Variants in GRXCR1 observed in about 807,000 individuals in gnomAD.
GRXCR1 encodes glutaredoxin and cysteine rich domain containing 1, also known as glutaredoxin domain-containing cysteine-rich protein 1.
In GRXCR1, 27 loss-of-function variants were observed where a neutral mutation model predicts 27.3. The ratio of observed to expected loss-of-function variants is 0.99; its 90% CI spans 0.73 to 1.37. The LOEUF (loss-of-function observed/expected upper bound fraction) is 1.37. Among genes scored for constraint, GRXCR1 ranks in the 40% most tolerant of loss-of-function variants. GRXCR1 has a pLI of 0.00. For synonymous variants in GRXCR1, 122 were observed against 131.1 expected (o/e 0.93, Z 0.47); for missense variants, 379 against 354.4 (o/e 1.07, Z -0.56).
intron 2 of GRXCR1, among the ~76,000 whole-genome samples, chr4:42,983,398 C>T (rs573913771): frequency 4.0e-5 from 6 of 150,126 alleles, no homozygotes. Flanking sequence ...GGGCTCTGTT[C>T]TGTTCCATTG....
intron 1 of GRXCR1, among the ~76,000 whole-genome samples, chr4:42,903,495 G>C (rs1241516557): frequency 6.8e-6 from 1 of 146,140 alleles, no homozygotes; most frequent in African/African-American, 2.5e-5. Flanking sequence ...GTATTTTTTA[G>C]TAGAAATGGG....
chr4:42,962,827 C>T, intron 1 of GRXCR1, 65 bp from the exon 2 acceptor site: 2 of 1,593,046 alleles, frequency 1.3e-6, no homozygotes, highest in Non-Finnish European at 1.7e-6. Context: ...TTTTAATTGT[C>T]TTAAAATCAT....
intron 1 of GRXCR1, among the ~76,000 whole-genome samples, chr4:42,938,132 A>G (rs1560656969): frequency 6.6e-6 from 1 of 152,050 alleles, no homozygotes; most frequent in East Asian, 1.9e-4. Context: ...CCATGAGTAC[A>G]ATTGTTTTAA....
intron 2 of GRXCR1, among the ~76,000 whole-genome samples, chr4:43,001,015 C>T (rs1712338778): frequency 6.6e-6 from 1 of 151,984 alleles, no homozygotes; most frequent in South Asian, 2.1e-4. Flanking sequence ...CAACCTCTAC[C>T]TCCCGGGTTC....
At chr4:42,990,062 C>CT (rs1359617449) in intron 2 of GRXCR1, among the ~76,000 whole-genome samples, 1 of 149,666 alleles carries the variant, frequency 6.7e-6, no homozygotes, top group Non-Finnish European at 1.5e-5. Flanking sequence ...ATTTTTCTGC[C>CT]TTTTTTGTTT....
chr4:43,021,438 G>A (rs539204578), intron 3 of GRXCR1, among the ~76,000 whole-genome samples: 5 of 152,154 alleles, frequency 3.3e-5, no homozygotes, highest in Admixed American at 2.0e-4. Flanking sequence ...TTTGACTCAT[G>A]TCCCAAATGA....
chr4:43,002,060 T>G (rs914990087), intron 2 of GRXCR1, among the ~76,000 whole-genome samples: 3 of 152,132 alleles, frequency 2.0e-5, no homozygotes, highest in African/African-American at 7.2e-5. Flanking sequence ...CATAGGGCGG[T>G]TTTTCTCCTA....
chr4:42,976,533 A>G (rs1748526055), intron 2 of GRXCR1, among the ~76,000 whole-genome samples: 1 of 152,010 alleles, frequency 6.6e-6, no homozygotes, highest in African/African-American at 2.4e-5. Context: ...TGACATGATC[A>G]CACCCACGAA....
intron 1 of GRXCR1, among the ~76,000 whole-genome samples, chr4:42,922,172 C>A (rs1355968840): frequency 5.3e-5 from 8 of 152,116 alleles, no homozygotes; most frequent in Non-Finnish European, 1.2e-4. Context: ...ATGATTTGCA[C>A]AGTCAAATTG....
chr4:42,952,094 A>T (rs71610036), intron 1 of GRXCR1, among the ~76,000 whole-genome samples: 7,258 of 152,266 alleles, frequency 0.048, 218 homozygotes, highest in African/African-American at 0.08. Flanking sequence ...GGGCAACTGA[A>T]CTTGGAGAGA....
chr4:42,976,684 A>G (rs1748531095), intron 2 of GRXCR1, among the ~76,000 whole-genome samples: 2 of 151,910 alleles, frequency 1.3e-5, no homozygotes, highest in Admixed American at 1.3e-4. Flanking sequence ...ATTTTATTTT[A>G]TTATAAATTG....
At chr4:43,009,738 C>A (rs1314322167) in intron 2 of GRXCR1, among the ~76,000 whole-genome samples, 1 of 151,914 alleles carries the variant, frequency 6.6e-6, no homozygotes, top group Non-Finnish European at 1.5e-5. Context: ...GCTCTGCCTT[C>A]ATAACCTAAT....
At chr4:42,894,067 T>G (rs1368850136) in intron 1 of GRXCR1, among the ~76,000 whole-genome samples, 1 of 152,148 alleles carries the variant, frequency 6.6e-6, no homozygotes, top group Non-Finnish European at 1.5e-5. Flanking sequence ...AAATGTTGAG[T>G]GCATGAATTC....
intron 1 of GRXCR1, among the ~76,000 whole-genome samples, chr4:42,935,021 C>A (rs1451668617): frequency 6.6e-6 from 1 of 151,906 alleles, no homozygotes; most frequent in African/African-American, 2.4e-5. Context: ...CAGAAAGTTT[C>A]TTTAAAAAGT....
At chr4:42,990,226 C>G (rs1460930798) in intron 2 of GRXCR1, among the ~76,000 whole-genome samples, 2 of 92,464 alleles carry the variant, frequency 2.2e-5, no homozygotes, top group African/African-American at 8.2e-5. Flanking sequence ...GAGTCTCGCT[C>G]TGTCGCCCAG....
At chr4:42,944,447 G>T (rs1249505545) in intron 1 of GRXCR1, among the ~76,000 whole-genome samples, 1 of 152,118 alleles carries the variant, frequency 6.6e-6, no homozygotes, top group Non-Finnish European at 1.5e-5. Context: ...CAGAGGTTCA[G>T]AGACCGTGCC....
At chr4:42,967,534 G>A (rs537180317) in intron 2 of GRXCR1, among the ~76,000 whole-genome samples, 13 of 152,088 alleles carry the variant, frequency 8.5e-5, no homozygotes, top group Admixed American at 7.2e-4. Context: ...TATAACAACC[G>A]TTTCAACCTA....
chr4:42,921,777 T>C lies in GRXCR1; in HGVS notation c.384+28127T>C, dbSNP rs962884622. On this transcript the variant is annotated intron_variant, in intron 1 of 3. Coordinates refer to ENST00000399770, the MANE Select transcript of GRXCR1 (RefSeq NM_001080476.3). The stretch of plus-strand genomic sequence containing the variant: ...CTAAAACATTCATTCTCTGATACCA[T>C]TCGATCTTTTCTTTTCTCTATTGCT... Among the ~76,000 whole-genome samples, 30 of 152,134 alleles carry C rather than the reference T, an allele frequency of 2.0e-4. 1 individual carries two copies. Among genetic ancestry groups the C allele is most frequent in the African/African-American group, 7.0e-4 (29 of 41,440 alleles).
chr4:43,025,975 C>CAAAA (rs373672727), intron 3 of GRXCR1, among the ~76,000 whole-genome samples: 1 of 89,730 alleles, frequency 1.1e-5, no homozygotes, highest in Non-Finnish European at 2.5e-5. Context: ...AACTCCGTCT[C>CAAAA]AAAAAAAAAA....
Sources: allele counts gnomAD v4.1 joint callset (sites outside exome capture counted in the v4.1 genomes callset), GRCh38; gene constraint gnomAD v4.1.1; transcripts MANE v1.5; gene names NCBI Gene and HGNC (gene_info 2026-07-23, HGNC 2026-07-21).